Variants in ZIM3 observed in about 807,000 individuals in gnomAD.
The protein encoded by ZIM3 is zinc finger imprinted 3.
In ZIM3, 11 loss-of-function variants were observed where a neutral mutation model predicts 12.9. That is an observed-to-expected ratio of 0.85 (90% CI 0.54 to 1.41). The LOEUF is 1.41. Among genes scored for constraint, ZIM3 ranks in the 40% most tolerant of loss-of-function variants. The pLI is 0.00. For missense variants in ZIM3, 604 were observed against 557.2 expected (o/e 1.08, Z -0.85); for synonymous variants, 205 against 198.5 (o/e 1.03, Z -0.28).
chr19:57,142,553 C>T, intron 2 of ZIM3, 76 bp downstream of exon 2: 2 of 1,502,300 alleles, frequency 1.3e-6, no homozygotes, highest in Non-Finnish European at 1.8e-6. Context: ...AAGGTTAGCA[C>T]AGTTAATTCT....
intron 1 of ZIM3, among the ~76,000 whole-genome samples, chr19:57,144,281 C>A (rs2086927690): frequency 6.6e-6 from 1 of 151,610 alleles, no homozygotes. Flanking sequence ...AACTCCTAGG[C>A]TCAAGCAATC....
intron 4 of ZIM3, among the ~76,000 whole-genome samples, chr19:57,136,517 C>T (rs569886818): frequency 1.4e-4 from 21 of 151,468 alleles, no homozygotes; most frequent in Non-Finnish European, 2.7e-4. Context: ...ACAAAAAATT[C>T]GCCGGGCATG....
intron 1 of ZIM3, among the ~76,000 whole-genome samples, chr19:57,144,467 T>TA (rs2086928608): frequency 1.4e-5 from 2 of 146,806 alleles, no homozygotes; most frequent in African/African-American, 5.3e-5. Flanking sequence ...ATATATAATT[T>TA]TAAAAAACAG....
chr19:57,140,838 T>C (rs966647388), intron 2 of ZIM3, among the ~76,000 whole-genome samples: 1 of 152,154 alleles, frequency 6.6e-6, no homozygotes, highest in African/African-American at 2.4e-5. Flanking sequence ...GCAAAGAAAC[T>C]ACTATCTGCC....
intron 3 of ZIM3, 109 bp downstream of exon 3, chr19:57,138,363 A>G: frequency 6.7e-7 from 1 of 1,501,212 alleles, no homozygotes; most frequent in Non-Finnish European, 9.2e-7. Flanking sequence ...ACAAAAACAT[A>G]TGCGAAGTGA....
intron 1 of ZIM3, among the ~76,000 whole-genome samples, 158 bp downstream of exon 1, chr19:57,144,701 T>C (rs999252994): frequency 1.3e-5 from 2 of 151,976 alleles, no homozygotes; most frequent in Non-Finnish European, 2.9e-5. Context: ...CTTTTCAATA[T>C]GACAACTAAA....
chr19:57,136,246 CT>C, intron 4 of ZIM3, 151 bp from the exon 5 acceptor site: 1 of 712,516 alleles, frequency 1.4e-6, no homozygotes, highest in Non-Finnish European at 2.3e-6. Context: ...TGTTAGAGTT[CT>C]ATGTGAGCTA....
intron 4 of ZIM3, 142 bp from the exon 5 acceptor site, chr19:57,136,237 G>A (rs891572999): frequency 2.7e-6 from 2 of 749,292 alleles, no homozygotes; most frequent in Admixed American, 2.8e-5. Context: ...TATAAGCTCT[G>A]TTAGAGTTCT....
intron 2 of ZIM3, among the ~76,000 whole-genome samples, chr19:57,139,030 A>G (rs969037151): frequency 2.0e-5 from 3 of 152,058 alleles, no homozygotes; most frequent in Non-Finnish European, 4.4e-5. Context: ...ATCTCAAAGA[A>G]CATTTTATTA....
rs779699970 is a variant in ZIM3, at chr19:57,136,939, A to G, written c.175T>C (p.Leu59=). Residue 59 remains leucine, a synonymous_variant, in exon 4 of 5, where the codon TTG becomes CTG. Transcript: ENST00000269834. ...QGETTKPDVI[L]RLEQGKEPWL... is the part of the protein sequence containing the mutation. ...GGCTCCTTTCCTTGTTCCAACCTCAAGATCACATCGGGTTTGGTGGTTTCC... is the reference window on the plus strand; with the variant it reads ...GGCTCCTTTCCTTGTTCCAACCTCAGGATCACATCGGGTTTGGTGGTTTCC... 1 of 1,614,180 alleles carries G rather than the reference A, an allele frequency of 6.2e-7. No individual in the cohort carries two copies. Among genetic ancestry groups the G allele is most frequent in the Non-Finnish European group, 8.5e-7 (1 of 1,180,038 alleles).
chr19:57,138,211 T>G (rs769777472), intron 3 of ZIM3, among the ~76,000 whole-genome samples: 1 of 151,240 alleles, frequency 6.6e-6, no homozygotes, highest in Non-Finnish European at 1.5e-5. Context: ...AGACCAGGAG[T>G]AGGGTGAAGG....
intron 2 of ZIM3, among the ~76,000 whole-genome samples, chr19:57,139,890 T>C (rs1434911033): frequency 6.6e-6 from 1 of 152,166 alleles, no homozygotes; most frequent in Non-Finnish European, 1.5e-5. Flanking sequence ...AGGTGACACC[T>C]GTTACAGGGG....
At chr19:57,143,342 A>AG (rs1387313940) in intron 1 of ZIM3, among the ~76,000 whole-genome samples, 1 of 143,550 alleles carries the variant, frequency 7.0e-6, no homozygotes, top group African/African-American at 2.6e-5. Context: ...AAAAAAAAAA[A>AG]AAAGAGAGAG....
intron 2 of ZIM3, among the ~76,000 whole-genome samples, chr19:57,141,419 A>AAAC (rs1376515667): frequency 3.0e-5 from 4 of 133,912 alleles, no homozygotes; most frequent in Non-Finnish European, 6.6e-5. Context: ...AAAAAAAAAA[A>AAAC]AACAACAAAA....
intron 2 of ZIM3, among the ~76,000 whole-genome samples, chr19:57,140,966 A>G (rs1255118114): frequency 2.6e-5 from 4 of 152,200 alleles, no homozygotes; most frequent in Non-Finnish European, 4.4e-5. Flanking sequence ...TGTTTCAAAT[A>G]CACACCGAAC....
rs531727731 is a variant in ZIM3 at position 57,134,691 on chromosome 19, C to T, written c.*227G>A. On this transcript the variant is annotated 3_prime_UTR_variant, in exon 5 of 5. Transcript: ENST00000269834. ...CACATTTGGTTTATTGCTACATCTT[C>T]AGTGTTTAAGAGTTCCTGGTACACA... The T allele has an allele frequency of 1.2e-4, 60 of 494,482 alleles. 1 individual carries two copies. In the East Asian group the frequency reaches 1.9e-3, roughly 16 times the overall value. 30.6% of individuals were successfully genotyped at this position (494,482 alleles called of 1,614,324 possible).
chr19:57,138,932 T>C (rs1460378330), intron 2 of ZIM3, among the ~76,000 whole-genome samples: 1 of 152,202 alleles, frequency 6.6e-6, no homozygotes, highest in Non-Finnish European at 1.5e-5. Flanking sequence ...GGCTCACACC[T>C]ATCATCCCAA....
At chr19:57,139,495 AC>A (rs1173033544) in intron 2 of ZIM3, among the ~76,000 whole-genome samples, 1 of 151,666 alleles carries the variant, frequency 6.6e-6, no homozygotes, top group Non-Finnish European at 1.5e-5. Context: ...GGAGGCTGAG[AC>A]AGGTGGATCA....
At chr19:57,136,645 C>T (rs2086888132) in intron 4 of ZIM3, among the ~76,000 whole-genome samples, 1 of 134,390 alleles carries the variant, frequency 7.4e-6, no homozygotes, top group Non-Finnish European at 1.5e-5. Flanking sequence ...GCCTGGGCGA[C>T]AGAGACTCCG....
Sources: gnomAD v4.1 joint callset for allele counts (sites outside exome capture counted in the v4.1 genomes callset) on GRCh38, gnomAD v4.1.1 for gene constraint, MANE v1.5 for transcripts, NCBI Gene and HGNC (gene_info 2026-07-23, HGNC 2026-07-21) for gene names.